The following EEA1 variants were observed in gnomAD, a reference collection of about 807,000 sequenced individuals.
The protein encoded by EEA1 is early endosome antigen 1.
EEA1 carries 111 observed loss-of-function variants against 209.2 expected under a neutral mutation model. That is an observed-to-expected ratio of 0.53 (90% confidence interval 0.45 to 0.62). The LOEUF is 0.62. EEA1 is among the 20% of genes least tolerant of loss of function. The probability of loss-of-function intolerance (pLI) is 0.00; values close to 1 mark genes in which losing one functional copy is unlikely to be tolerated. For missense variants in EEA1, 1,343 were observed against 1,530.8 expected (o/e 0.88, Z 2.05); for synonymous variants, 536 against 540.6 (o/e 0.99, Z 0.12).
chr12:92,928,932 T>TG, intron 1 of EEA1, 111 bp downstream of exon 1: 3 of 1,156,462 alleles, frequency 2.6e-6, no homozygotes, highest in Non-Finnish European at 3.6e-6. Context: ...TGCCGGGCTG[T>TG]GGGGCCTAGG....
At chr12:92,870,225 C>A (rs950332453) in intron 2 of EEA1, among the ~76,000 whole-genome samples, 1 of 152,056 alleles carries the variant, frequency 6.6e-6, no homozygotes, top group Non-Finnish European at 1.5e-5. Context: ...GTTAAGAATC[C>A]TTTCTTATAT....
intron 3 of EEA1, among the ~76,000 whole-genome samples, chr12:92,860,142 C>T (rs2136718196): frequency 6.6e-6 from 1 of 152,298 alleles, no homozygotes; most frequent in South Asian, 2.1e-4. Context: ...TCAGCACTAG[C>T]CACACCTCAC....
chr12:92,883,672 T>G (rs967390005), intron 2 of EEA1: 17 of 672,520 alleles, frequency 2.5e-5, no homozygotes, highest in Non-Finnish European at 3.6e-5. Context: ...TCTATCTTAC[T>G]TTATCGTAAG....
Position 92,775,090 on chromosome 12 carries a change from G to A in EEA1, c.*921C>T, listed in dbSNP as rs1371903075. 1 of 151,586 alleles carries A rather than the reference G, an allele frequency of 6.6e-6. No individual in the cohort carries two copies. The allele number at this position is 151,586 out of a possible 1,614,324, so 9.4% of individuals were successfully genotyped here. ...CAAACTCAGGTTCCTGAAGATGCTA[G>A]AGAGACAAAATAAGGGTATGATATG... On this transcript the variant is annotated 3_prime_UTR_variant, in exon 29 of 29. Coordinates refer to ENST00000322349, the MANE Select transcript of EEA1 (RefSeq NM_003566.4).
At chr12:92,864,803 A>G (rs1401519763) in intron 3 of EEA1, 57 bp downstream of exon 3, 1 of 1,422,492 alleles carries the variant, frequency 7.0e-7, no homozygotes, top group Non-Finnish European at 9.3e-7. Flanking sequence ...TCATGATTAA[A>G]CGACGATACC....
At chr12:92,926,300 G>A (rs1002096424) in intron 1 of EEA1, among the ~76,000 whole-genome samples, 2 of 152,084 alleles carry the variant, frequency 1.3e-5, no homozygotes, top group Non-Finnish European at 2.9e-5. Flanking sequence ...GCCAAGGAAT[G>A]CCACATAATT....
intron 11 of EEA1, among the ~76,000 whole-genome samples, chr12:92,831,469 T>C (rs984262701): frequency 6.7e-6 from 1 of 149,112 alleles, no homozygotes; most frequent in African/African-American, 2.4e-5. Flanking sequence ...ATATGAGCTA[T>C]ATAGGTAAAT....
chr12:92,884,863 A>C (rs1168111128), intron 2 of EEA1, among the ~76,000 whole-genome samples: 1 of 151,940 alleles, frequency 6.6e-6, no homozygotes, highest in African/African-American at 2.4e-5. Flanking sequence ...TGGGCAAAAA[A>C]CTCGAGGACT....
At chr12:92,914,762 C>A (rs908065389) in intron 1 of EEA1, among the ~76,000 whole-genome samples, 1 of 151,644 alleles carries the variant, frequency 6.6e-6, no homozygotes, top group Non-Finnish European at 1.5e-5. Flanking sequence ...CTCCAGAGTT[C>A]GAGCAACTCT....
At chr12:92,814,642 C>T (rs1254593106) in intron 15 of EEA1, among the ~76,000 whole-genome samples, 2 of 152,180 alleles carry the variant, frequency 1.3e-5, no homozygotes, top group African/African-American at 2.4e-5. Context: ...TAGCCAGCCC[C>T]TCTGTTTGCC....
intron 1 of EEA1, among the ~76,000 whole-genome samples, chr12:92,925,213 T>TTTTTG (rs1043598190): frequency 9.2e-5 from 14 of 152,060 alleles, no homozygotes; most frequent in African/African-American, 2.9e-4. Context: ...AATCACAGTT[T>TTTTTG]TTTTGTTTTG....
At chr12:92,822,343 T>C (rs1876098927) in intron 13 of EEA1, among the ~76,000 whole-genome samples, 1 of 152,188 alleles carries the variant, frequency 6.6e-6, no homozygotes, top group African/African-American at 2.4e-5. Flanking sequence ...AATTTATATT[T>C]ACATTCCTAA....
rs1256753279 is a variant in EEA1, at chr12:92,853,005, G to T, written c.427C>A (p.Gln143Lys). ...TTTTCTGTTTGGGCTTCTTCTAATTGCTGTTCCAAAGACTGTAGTTCTACA... is the reference window on the plus strand; with the variant it reads ...TTTTCTGTTTGGGCTTCTTCTAATTTCTGTTCCAAAGACTGTAGTTCTACA... The part of the protein sequence containing the change: ...SSAELQSLEQ[Q>K]LEEAQTENFN... The change falls in exon 7 of 29, where the codon CAA becomes AAA. Residue 143 changes from glutamine (Q) to lysine (K), a missense_variant. Gln to Lys is a moderately conservative substitution (Grantham distance 53). Transcript: ENST00000322349. 2 of 1,608,066 alleles carry T rather than the reference G, an allele frequency of 1.2e-6. No homozygotes were observed. Among genetic ancestry groups the T allele is most frequent in the Admixed American group, 1.7e-5 (1 of 59,522 alleles).
At chr12:92,900,267 A>G (rs1880093689) in intron 1 of EEA1, among the ~76,000 whole-genome samples, 1 of 152,170 alleles carries the variant, frequency 6.6e-6, no homozygotes, top group Admixed American at 6.6e-5. Context: ...AAGGCATTCA[A>G]TGGCCTTCAG....
chr12:92,778,888 A>C, intron 25 of EEA1, among the ~76,000 whole-genome samples: 1 of 152,234 alleles, frequency 6.6e-6, no homozygotes, highest in East Asian at 1.9e-4. Flanking sequence ...AAAATTTTTT[A>C]ATTTTATTTC....
At chr12:92,815,658 T>C (rs1875745112) in intron 15 of EEA1, among the ~76,000 whole-genome samples, 1 of 151,990 alleles carries the variant, frequency 6.6e-6, no homozygotes, top group Admixed American at 6.6e-5. Context: ...GATTGACTCA[T>C]TGAGGAAGAC....
intron 1 of EEA1, chr12:92,895,413 C>A (rs1879836332): frequency 6.5e-6 from 1 of 154,080 alleles, no homozygotes; most frequent in African/African-American, 2.4e-5. Flanking sequence ...GATCCACCCG[C>A]CTCAGCCTCC....
In EEA1 at chr12:92,832,530, G is replaced by A. The variant is rs148673745; in HGVS notation, c.1236C>T (p.Leu412=). The stretch of plus-strand genomic sequence containing the variant: ...CTCTTACTTGATTAATTTCACTTTG[G>A]AGTTGTAACCCATGCTGCTCCTTTT... ...REEKEQHGLQ[L]QSEINQLHSK... Residue 412 remains leucine (L), a synonymous_variant, in exon 11 of 29, where the codon CTC becomes CTT. Coordinates refer to ENST00000322349, the MANE Select transcript of EEA1 (RefSeq NM_003566.4). 2.0e-3 allele frequency: 3,158 copies of A among 1,607,564 alleles called. 56 individuals are homozygous for A. The African/African-American group carries it at 0.039, about 20-fold the overall frequency.
intron 3 of EEA1, chr12:92,859,408 CAATGACATG>C: frequency 1.6e-6 from 1 of 613,134 alleles, no homozygotes. Flanking sequence ...TCACTCTAGT[CAATGACATG>C]AATTTTAGCT....
Sources: allele counts gnomAD v4.1 joint callset (sites outside exome capture counted in the v4.1 genomes callset), GRCh38; gene constraint gnomAD v4.1.1; transcripts MANE v1.5; gene names NCBI Gene and HGNC (gene_info 2026-07-23, HGNC 2026-07-21).